MAP3K3: variants seen among roughly 807,000 people sequenced by gnomAD.
MAP3K3 encodes mitogen-activated protein kinase kinase kinase 3, also known as MAP/ERK kinase kinase 3.
MAP3K3 carries 12 observed loss-of-function variants against 80.9 expected under a neutral mutation model. The ratio of observed to expected loss-of-function variants is 0.15; its 90% CI spans 0.10 to 0.24. The LOEUF is 0.24. Among genes scored for constraint, MAP3K3 ranks in the 10% least tolerant of loss-of-function variants. MAP3K3 has a pLI of 1.00. For synonymous variants in MAP3K3, 272 were observed against 307.1 expected (o/e 0.89, Z 1.19); for missense variants, 596 against 834.7 (o/e 0.71, Z 3.52).
intron 6 of MAP3K3, among the ~76,000 whole-genome samples, chr17:63,673,188 A>G (rs768407017): frequency 2.6e-5 from 4 of 152,204 alleles, no homozygotes; most frequent in Non-Finnish European, 5.9e-5. Context: ...ATTGAAAATC[A>G]GCTTTCTCTC....
chr17:63,672,849 T>C (rs2035139127), intron 6 of MAP3K3: 1 of 152,254 alleles, frequency 6.6e-6, no homozygotes, highest in African/African-American at 2.4e-5. Context: ...TCACAGATGT[T>C]TGAGTGCTTG....
Position 63,691,581 on chromosome 17 carries a change from A to G in MAP3K3, c.1345-152A>G. 1 of 1,161,992 alleles carries G rather than the reference A, an allele frequency of 8.6e-7. No individual in the cohort carries two copies. The allele number at this position is 1,161,992 out of a possible 1,614,324, so 72.0% of individuals were successfully genotyped here. A position where few individuals can be genotyped will look rare whatever the true frequency, so the allele number is the denominator to read the frequency against. ...AAGGACTTGGGGTACTCTCTTTTCC[A>G]AACTGCCTGACAGCTCCTGGCAAAA... is the stretch of plus-strand genomic sequence containing the variant. On this transcript the variant is annotated intron_variant, in intron 13 of 15. Coordinates refer to ENST00000361733, the MANE Select transcript of MAP3K3 (RefSeq NM_002401.5). The surrounding 1 kb of genome is among the most constrained non-coding windows in gnomAD (Gnocchi z 4.8).
chr17:63,693,537 C>T lies in MAP3K3; in HGVS notation c.1653-12C>T. On this transcript the variant is annotated splice_polypyrimidine_tract_variant and intron_variant, in intron 15 of 15. Coordinates refer to ENST00000361733, the MANE Select transcript of MAP3K3 (RefSeq NM_002401.5). The surrounding 1 kb of genome is among the most constrained non-coding windows in gnomAD (Gnocchi z 4.2). ...GCTGGCTGAGGGGTGACACGGGGTT[C>T]TCTCTTTCCAGGAGCCTGGGCTGCA... 1 of 1,595,634 alleles carries T rather than the reference C, an allele frequency of 6.3e-7. No homozygotes were observed. The highest frequency in any genetic ancestry group is 8.5e-7 in the Non-Finnish European group (1 of 1,172,430).
At chr17:63,675,199 G>C (rs890738843) in intron 6 of MAP3K3, among the ~76,000 whole-genome samples, 2 of 152,186 alleles carry the variant, frequency 1.3e-5, no homozygotes, top group African/African-American at 4.8e-5. Context: ...CCACTACTGT[G>C]TTCTACAGAG....
chr17:63,635,958 G>T (rs1328295098), intron 2 of MAP3K3, among the ~76,000 whole-genome samples: 2 of 152,168 alleles, frequency 1.3e-5, no homozygotes, highest in Non-Finnish European at 2.9e-5. Context: ...TGGAAAGGTT[G>T]TTTATTCAAG....
chr17:63,665,479 A>C lies in MAP3K3; in HGVS notation c.382-1461A>C, dbSNP rs1012884076. ...TCCCGGCCTAGCTTTTAGATTTTTTAATTGAGGGTTTAGATAGTATGTCCT... is the reference window on the plus strand; with the variant it reads ...TCCCGGCCTAGCTTTTAGATTTTTTCATTGAGGGTTTAGATAGTATGTCCT... On this transcript the variant is annotated intron_variant, in intron 5 of 15. Transcript: ENST00000361733. Among the ~76,000 whole-genome samples the C allele has an allele frequency of 2.0e-5, 3 of 151,972 alleles. No homozygotes were observed. The East Asian group carries it at 5.9e-4, about 30-fold the overall frequency.
rs1477015084 is a variant in MAP3K3 at position 63,666,927 on chromosome 17, T to A, written c.382-13T>A. 4.3e-6 allele frequency: 7 copies of A among 1,612,428 alleles called. No homozygotes were observed. Among genetic ancestry groups the A allele is most frequent in the Non-Finnish European group, 5.9e-6 (7 of 1,179,572 alleles). On this transcript the variant is annotated splice_polypyrimidine_tract_variant and intron_variant, in intron 5 of 15. Coordinates refer to ENST00000361733, the MANE Select transcript of MAP3K3 (RefSeq NM_002401.5). ...TAAAGATGTAGCTTGGCCTTTTTCC[T>A]CTTCTTTTACAGAACAGTTCCTCTC...
At chr17:63,668,621 C>A (rs1414037489) in intron 6 of MAP3K3, among the ~76,000 whole-genome samples, 1 of 152,160 alleles carries the variant, frequency 6.6e-6, no homozygotes, top group Non-Finnish European at 1.5e-5. Context: ...CAAGCAAGAG[C>A]CTATGATATG....
rs748950373 is a variant in MAP3K3, at chr17:63,689,463, G to C, written c.872-81G>C. 1.6e-6 allele frequency: 2 copies of C among 1,231,364 alleles called. No individual in the cohort carries two copies. Among genetic ancestry groups the C allele is most frequent in the Non-Finnish European group, 2.3e-6 (2 of 879,686 alleles). The allele number at this position is 1,231,364 out of a possible 1,614,324, so 76.3% of individuals were successfully genotyped here. ...TTGTATATTCCGCCTTGTAGCCCGG[G>C]GTGTCTCAGACCTGGTTTGTACGTT... On this transcript the variant is annotated intron_variant, in intron 10 of 15. Transcript: ENST00000361733. This position sits in a 1 kb window ranked among gnomAD's most constrained non-coding sequence, Gnocchi z 4.3.
chr17:63,667,787 A>G (rs996350240), intron 6 of MAP3K3, among the ~76,000 whole-genome samples: 3 of 152,066 alleles, frequency 2.0e-5, no homozygotes, highest in African/African-American at 7.2e-5. Context: ...GTTATTTTTT[A>G]TAATTTTCCA....
chr17:63,655,257 C>G (rs767141076), intron 4 of MAP3K3, among the ~76,000 whole-genome samples: 6 of 152,050 alleles, frequency 3.9e-5, no homozygotes, highest in Non-Finnish European at 8.8e-5. Context: ...CACTCACTAT[C>G]AGGAGAACAG....
intron 3 of MAP3K3, among the ~76,000 whole-genome samples, chr17:63,646,464 A>G (rs1192046174): frequency 1.3e-5 from 2 of 152,210 alleles, no homozygotes; most frequent in African/African-American, 2.4e-5. Flanking sequence ...TACTATTCCC[A>G]GTAGAGCAGC....
intron 3 of MAP3K3, among the ~76,000 whole-genome samples, chr17:63,648,289 T>G (rs1717622713): frequency 6.6e-6 from 1 of 152,334 alleles, no homozygotes; most frequent in South Asian, 2.1e-4. Context: ...CTGATCATGA[T>G]CCTTTTTCAA....
intron 3 of MAP3K3, among the ~76,000 whole-genome samples, chr17:63,648,537 C>T (rs1466330414): frequency 6.6e-6 from 1 of 152,128 alleles, no homozygotes; most frequent in African/African-American, 2.4e-5. Context: ...ATAAGAATTA[C>T]AGTCTGGGCC....
intron 8 of MAP3K3, 79 bp from the exon 9 acceptor site, chr17:63,688,448 A>ACAGCACCT: frequency 8.8e-7 from 1 of 1,142,054 alleles, no homozygotes; most frequent in South Asian, 1.2e-5. Flanking sequence ...CAGGGGTTAG[A>ACAGCACCT]AAGGGAGACT....
At chr17:63,635,540 A>C (rs1351052648) in intron 2 of MAP3K3, among the ~76,000 whole-genome samples, 1 of 152,250 alleles carries the variant, frequency 6.6e-6, no homozygotes, top group Admixed American at 6.5e-5. Flanking sequence ...CTTCAGCAAA[A>C]TTCTGAAAGC....
intron 2 of MAP3K3, chr17:63,636,855 C>A: frequency 2.7e-6 from 1 of 371,418 alleles, no homozygotes; most frequent in Non-Finnish European, 5.3e-6. Flanking sequence ...TGGTCAAGTC[C>A]TCCATCCCGC....
chr17:63,664,726 T>C (rs546986573), intron 5 of MAP3K3, among the ~76,000 whole-genome samples: 5 of 152,272 alleles, frequency 3.3e-5, no homozygotes, highest in Middle Eastern at 6.8e-3. Flanking sequence ...TTGTTGTCTT[T>C]AGAATGTTCT....
chr17:63,676,138 G>A (rs1352823527), intron 6 of MAP3K3, among the ~76,000 whole-genome samples: 5 of 152,212 alleles, frequency 3.3e-5, no homozygotes, highest in Non-Finnish European at 2.9e-5. Context: ...CACAATAGCC[G>A]CTGGCACATA....
Sources: gnomAD v4.1 joint callset for allele counts (sites outside exome capture counted in the v4.1 genomes callset) on GRCh38, gnomAD v4.1.1 for gene constraint, Gnocchi (gnomAD v3.1) non-coding constraint, MANE v1.5 for transcripts, NCBI Gene and HGNC (gene_info 2026-07-23, HGNC 2026-07-21) for gene names.